The following OSGEP variants were observed in gnomAD, a reference collection of about 807,000 sequenced individuals.
OSGEP encodes tRNA N6-adenosine threonylcarbamoyltransferase.
OSGEP carries 39 observed loss-of-function variants against 44.1 expected under a neutral mutation model. The observed-to-expected ratio is 0.88, with a 90% CI of 0.69 to 1.16. OSGEP has a LOEUF of 1.16. OSGEP is among the 50% of genes most tolerant of loss of function. OSGEP has a pLI of 0.00. For missense variants in OSGEP, 403 were observed against 443.1 expected (o/e 0.91, Z 0.81); for synonymous variants, 139 against 161.9 (o/e 0.86, Z 1.07).
chr14:20,447,815 T>C, intron 8 of OSGEP, 89 bp downstream of exon 8: 1 of 1,231,306 alleles, frequency 8.1e-7, no homozygotes, highest in Non-Finnish European at 1.2e-6. Context: ...TTGGGAAGCC[T>C]ACTCCAAACG....
At chr14:20,451,329 G>A (rs181150912) in intron 3 of OSGEP, 22 of 295,028 alleles carry the variant, frequency 7.5e-5, no homozygotes, top group South Asian at 2.7e-4. Flanking sequence ...TGTTTGAGAC[G>A]GAGTTTTGCT....
chr14:20,454,533 G>T, intron 1 of OSGEP, 36 bp downstream of exon 1: 1 of 1,373,236 alleles, frequency 7.3e-7, no homozygotes, highest in Non-Finnish European at 1.0e-6. Context: ...GTGCGGGGAA[G>T]TGCGCGGAAA....
rs543996337 is a variant in OSGEP, at chr14:20,454,792, G to A, written c.-109C>T. ...AGCTTTCCGGAGCGCAGAGGAAGCTGGCCAGCCTGCAGATAGCACTGGGAA... is the reference window on the plus strand; with the variant it reads ...AGCTTTCCGGAGCGCAGAGGAAGCTAGCCAGCCTGCAGATAGCACTGGGAA... On this transcript the variant is annotated 5_prime_UTR_variant, in exon 1 of 11. Coordinates refer to ENST00000206542, the MANE Select transcript of OSGEP (RefSeq NM_017807.4). 6.4e-6 allele frequency: 5 copies of A among 779,456 alleles called. No homozygotes were observed. Among genetic ancestry groups the A allele is most frequent in the South Asian group, 3.3e-5 (2 of 61,234 alleles). 48.3% of individuals were successfully genotyped at this position (779,456 alleles called of 1,614,324 possible).
chr14:20,448,744 A>C lies in OSGEP; in HGVS notation c.625T>G (p.Ser209Ala). 1 of 1,611,844 alleles carries C rather than the reference A, an allele frequency of 6.2e-7. No homozygotes were observed. The highest frequency in any genetic ancestry group is 8.5e-7 in the Non-Finnish European group (1 of 1,177,888). ...GMDVSFSGIL[S>A]FIEDVAHRML... ...CCTCTCACACTCACCTCAATGAAAG[A>C]CAGGATCCCTGAGAATGAGACGTCC... The change falls in exon 6 of 11, where the codon TCT becomes GCT. Residue 209 changes from serine (S) to alanine (A), a missense_variant. By Grantham distance (99) the Ser-to-Ala change is moderately conservative. Coordinates refer to ENST00000206542, the MANE Select transcript of OSGEP (RefSeq NM_017807.4).
In OSGEP at chr14:20,447,152, G is replaced by C; in HGVS notation, c.*88C>G. On this transcript the variant is annotated 3_prime_UTR_variant, in exon 11 of 11. Transcript: ENST00000206542. ...TGCTTGGAGTCTATAGCTTTGCTAG[G>C]ACTCCCATGACATCAGGATAGAGAT... The C allele has an allele frequency of 9.2e-7, 1 of 1,090,938 alleles. No individual in the cohort carries two copies. The highest frequency in any genetic ancestry group is 1.3e-5 in the South Asian group (1 of 79,108). The allele number at this position is 1,090,938 out of a possible 1,614,324, so 67.6% of individuals were successfully genotyped here.
chr14:20,451,938 G>A, intron 3 of OSGEP, 36 bp downstream of exon 3: 7 of 1,500,500 alleles, frequency 4.7e-6, no homozygotes, highest in Non-Finnish European at 6.3e-6. Context: ...CAGTGCCTCA[G>A]AAATTGAGAT....
chr14:20,448,986 TG>T lies in OSGEP; in HGVS notation c.534del (p.Tyr178Ter). 1 of 1,614,108 alleles carries T rather than the reference TG, an allele frequency of 6.2e-7. No homozygotes were observed. Among genetic ancestry groups the T allele is most frequent in the Non-Finnish European group, 8.5e-7 (1 of 1,179,976 alleles). On this transcript the variant is annotated frameshift_variant, in exon 5 of 11. Coordinates refer to ENST00000206542, the MANE Select transcript of OSGEP (RefSeq NM_017807.4). LOFTEE classifies it high-confidence loss of function. ...TACCGCTTTGCCATCTGTTCAATGTTGTATCCTGGACTTGGGTCGTTAGAAA... is the reference window on the plus strand; with the variant it reads ...TACCGCTTTGCCATCTGTTCAATGTTTATCCTGGACTTGGGTCGTTAGAAA... ...LKISNDPSPG[Y>X]NIEQMAKRGK... is the part of the protein sequence containing the mutation.
intron 1 of OSGEP, 62 bp downstream of exon 1, chr14:20,454,507 A>G (rs1881207691): frequency 8.9e-7 from 1 of 1,118,068 alleles, no homozygotes. Flanking sequence ...ATTTAGGAAG[A>G]TGGAAGGCTG....
chr14:20,447,766 C>T, intron 8 of OSGEP, 76 bp from the exon 9 acceptor site: 1 of 1,307,900 alleles, frequency 7.6e-7, no homozygotes, highest in Non-Finnish European at 1.1e-6. Context: ...GTCATGTGCA[C>T]TCACTTAGAA....
chr14:20,452,421 T>C lies in OSGEP; in HGVS notation c.143A>G (p.His48Arg). 10 of 1,613,614 alleles carry C rather than the reference T, an allele frequency of 6.2e-6. No homozygotes were observed. Among genetic ancestry groups the C allele is most frequent in the Non-Finnish European group, 8.5e-6 (10 of 1,179,576 alleles). Residue 48 changes from histidine (H) to arginine (R), a missense_variant, in exon 2 of 11, where the codon CAT becomes CGT. By Grantham distance (29) the His-to-Arg change is conservative (BLOSUM62 0). Coordinates refer to ENST00000206542, the MANE Select transcript of OSGEP (RefSeq NM_017807.4). ...CAGGTCTAGGATAACAGCTCGGTGA[T>C]GCCTGGCTGTATCACCTGGAAGGAA... ...TGFLPGDTAR[H>R]HRAVILDLLQ...
chr14:20,449,106 T>C, intron 4 of OSGEP, 65 bp downstream of exon 4: 1 of 1,491,042 alleles, frequency 6.7e-7, no homozygotes, highest in Non-Finnish European at 9.4e-7. Context: ...ATTTCCTCCC[T>C]CCACCTCCAT....
chr14:20,454,629 C>G lies in OSGEP; in HGVS notation c.55G>C (p.Val19Leu), dbSNP rs773812241. 2.5e-6 allele frequency: 4 copies of G among 1,614,226 alleles called. No individual in the cohort carries two copies. The South Asian group carries it at 4.4e-5, about 18-fold the overall frequency. The change falls in exon 1 of 11, where the codon GTG (valine) becomes CTG (leucine). Residue 19 changes from valine to leucine, a missense_variant. Coordinates refer to ENST00000206542, the MANE Select transcript of OSGEP (RefSeq NM_017807.4). ...TTCGCCAGCACCTTGCCATCCCGCA[C>G]CACGCCCACGCCAATCTTATTGGCG... ...GSANKIGVGV[V>L]RDGKVLANPR...
intron 1 of OSGEP, among the ~76,000 whole-genome samples, chr14:20,453,684 T>C (rs1881171415): frequency 6.6e-6 from 1 of 152,144 alleles, no homozygotes; most frequent in Admixed American, 6.5e-5. Flanking sequence ...GGTACTTTCA[T>C]CTAATCTTCA....
rs540674653 is a variant in OSGEP at position 20,449,252 on chromosome 14, C to A, written c.426G>T (p.Ser142=). ...CCCCAAAGATACGGTAACGATGTTC[C>A]GAGTATGCAATCACCTAAGGGTGAT... ...SGGNTQVIAY[S]EHRYRIFGET... The change falls in exon 4 of 11, where the codon TCG becomes TCT. Residue 142 remains serine (S), a synonymous_variant. Transcript: ENST00000206542. 6.2e-7 allele frequency: 1 copy of A among 1,606,290 alleles called. No individual in the cohort carries two copies. The highest frequency in any genetic ancestry group is 8.5e-7 in the Non-Finnish European group (1 of 1,172,956).
rs1880976449 is a variant in OSGEP, at chr14:20,447,487, C to A, written c.903G>T (p.Gln301His). The A allele has an allele frequency of 6.2e-7, 1 of 1,614,088 alleles. No homozygotes were observed. Among genetic ancestry groups the A allele is most frequent in the Admixed American group, 1.7e-5 (1 of 60,000 alleles). The change falls in exon 10 of 11, where the codon CAG becomes CAT. Residue 301 changes from glutamine to histidine, a missense_variant. Transcript: ENST00000206542. Reference sequence around the variant, plus strand: ...CAGCCCGAAACATCTCCCAGCCAGCCTGGGCTATCATCGCTCCATTGTCAA... The same window carrying A: ...CAGCCCGAAACATCTCCCAGCCAGCATGGGCTATCATCGCTCCATTGTCAA... ...FCIDNGAMIA[Q>H]AGWEMFRAGH...
At position 20,448,175 on chromosome 14, in the gene OSGEP, CA is replaced by C. The variant is rs747011754; in HGVS notation, c.637-5del. On this transcript the variant is annotated splice_polypyrimidine_tract_variant and splice_region_variant and intron_variant, in intron 6 of 10. Coordinates refer to ENST00000206542, the MANE Select transcript of OSGEP (RefSeq NM_017807.4). Reference sequence around the variant, plus strand: ...CCAGCATCCGATGGGCTACATCCTACAATTAAAGGGAAAAACAAAAGAATCA... The same window carrying C: ...CCAGCATCCGATGGGCTACATCCTACATTAAAGGGAAAAACAAAAGAATCA... 6.2e-6 allele frequency: 10 copies of C among 1,611,194 alleles called. No individual in the cohort carries two copies. In the South Asian group the frequency reaches 1.1e-4, roughly 18 times the overall value.
At chr14:20,452,853 G>C (rs1471715240) in intron 1 of OSGEP, among the ~76,000 whole-genome samples, 3 of 149,866 alleles carry the variant, frequency 2.0e-5, no homozygotes, top group African/African-American at 7.6e-5. Context: ...TGGGACTACA[G>C]GCGACACCAC....
In OSGEP at chr14:20,447,447, G is replaced by A. The variant is rs768366539; in HGVS notation, c.943C>T (p.Leu315Phe). 2 of 1,613,900 alleles carry A rather than the reference G, an allele frequency of 1.2e-6. No homozygotes were observed. The highest frequency in any genetic ancestry group is 1.7e-6 in the Non-Finnish European group (2 of 1,179,790). The change falls in exon 10 of 11, where the codon CTC becomes TTC. Residue 315 changes from leucine (L) to phenylalanine (F), a missense_variant. Coordinates refer to ENST00000206542, the MANE Select transcript of OSGEP (RefSeq NM_017807.4). ...CTCTGTGTAACCCCAGAATCACTGA[G>A]TGGGGTCCTGTGTCCAGCCCGAAAC... Reference protein sequence around the residue: ...EMFRAGHRTPLSDSGVTQRYR... With the variant: ...EMFRAGHRTPFSDSGVTQRYR...
Position 20,448,420 on chromosome 14 carries a change from C to T in OSGEP, c.637-249G>A, listed in dbSNP as rs140819463. ...CTTACTTATCCTGCTTAATTTTTCA[C>T]CTGTACTCATCATCATCTGGCACTT... On this transcript the variant is annotated intron_variant, in intron 6 of 10. Transcript: ENST00000206542. Among the ~76,000 whole-genome samples the T allele has an allele frequency of 2.5e-3, 383 of 152,284 alleles. 3 individuals are homozygous for T. The highest frequency in any genetic ancestry group is 8.3e-3 in the African/African-American group (346 of 41,554).
Sources: allele counts gnomAD v4.1 joint callset (sites outside exome capture counted in the v4.1 genomes callset), GRCh38; gene constraint gnomAD v4.1.1; transcripts MANE v1.5; gene names NCBI Gene and HGNC (gene_info 2026-07-23, HGNC 2026-07-21).